CACFD1: variants seen among roughly 807,000 people sequenced by gnomAD.
CACFD1 encodes calcium channel flower homolog.
In CACFD1, 26 loss-of-function variants were observed where a neutral mutation model predicts 21.3. That is an observed-to-expected ratio of 1.22 (90% confidence interval 0.89 to 1.69). The LOEUF (loss-of-function observed/expected upper bound fraction) is 1.69. CACFD1 is among the 40% of genes most tolerant of loss of function. The pLI, the probability that CACFD1 is intolerant of heterozygous loss-of-function variation, is 0.00. For synonymous variants in CACFD1, 121 were observed against 106.6 expected (o/e 1.13, Z -0.83); for missense variants, 265 against 236.2 (o/e 1.12, Z -0.80).
chr9:133,463,314 G>T (rs143752271), intron 1 of CACFD1, 169 bp from the exon 2 acceptor site: 1 of 841,760 alleles, frequency 1.2e-6, no homozygotes, highest in Non-Finnish European at 1.4e-6. Flanking sequence ...ACCTCTCTGC[G>T]TCTCCTCACC....
chr9:133,465,244 A>ATGGCAC lies in CACFD1; in HGVS notation c.195-68_195-63dup. The ATGGCAC allele has an allele frequency of 1.3e-6, 2 of 1,542,076 alleles. No homozygotes were observed. Among genetic ancestry groups the ATGGCAC allele is most frequent in the Non-Finnish European group, 1.8e-6 (2 of 1,120,732 alleles). On this transcript the variant is annotated intron_variant, in intron 2 of 4. Coordinates refer to ENST00000316948, the MANE Select transcript of CACFD1 (RefSeq NM_017586.5). The surrounding 1 kb of genome is among the most constrained non-coding windows in gnomAD (Gnocchi z 5.0). ...GAGGGTGAGGGAGGTGGCATTCCTTATGGCACTGGCACTGGGGGCCGCCCT... is the reference window on the plus strand; with the variant it reads ...GAGGGTGAGGGAGGTGGCATTCCTTATGGCACTGGCACTGGCACTGGGGGCCGCCCT...
In CACFD1 at chr9:133,460,186, C is replaced by T. The variant is rs1399825658; in HGVS notation, c.120C>T (p.Val40=). ...LCRLSGVLGA[V]SCAISGLFNC... is the part of the protein sequence containing the mutation. The stretch of plus-strand genomic sequence containing the variant: ...GCCTGTCTGGGGTGCTGGGGGCAGT[C>T]TGTGAGTATCCAGTCGGGGAGAGGG... Residue 40 remains valine, a splice_region_variant and synonymous_variant, in exon 1 of 5, where the codon GTC becomes GTT. Transcript: ENST00000316948. 3.9e-6 allele frequency: 6 copies of T among 1,545,598 alleles called. No individual in the cohort carries two copies. The African/African-American group carries it at 5.6e-5, about 14-fold the overall frequency.
chr9:133,468,349 T>C (rs1554800003), intron 4 of CACFD1: 9 of 1,535,586 alleles, frequency 5.9e-6, no homozygotes, highest in Non-Finnish European at 1.7e-6. Flanking sequence ...GAGCCCAGAC[T>C]GAGGCTGGTT....
chr9:133,466,576 AAC>A (rs1554799593), intron 3 of CACFD1, among the ~76,000 whole-genome samples: 1 of 133,616 alleles, frequency 7.5e-6, no homozygotes, highest in Non-Finnish European at 1.7e-5. Context: ...AGGTGTGATA[AAC>A]ATGTGTCTGC....
Position 133,465,721 on chromosome 9 carries a change from A to T in CACFD1, c.320+274A>T. Reference sequence around the variant, plus strand: ...TGGCAGCATCCGTGCAGTGGAGAGAAAGTGGGAAGCGTCTGGAATTTTGGT... The same window carrying T: ...TGGCAGCATCCGTGCAGTGGAGAGATAGTGGGAAGCGTCTGGAATTTTGGT... On this transcript the variant is annotated intron_variant, in intron 3 of 4. Transcript: ENST00000316948. The surrounding 1 kb of genome is among the most constrained non-coding windows in gnomAD (Gnocchi z 5.0). 1 of 385,218 alleles carries T rather than the reference A, an allele frequency of 2.6e-6. No individual in the cohort carries two copies. The highest frequency in any genetic ancestry group is 4.7e-6 in the Non-Finnish European group (1 of 213,648). 23.9% of individuals were successfully genotyped at this position (385,218 alleles called of 1,614,324 possible). A position where few individuals can be genotyped will look rare whatever the true frequency, so the allele number is the denominator to read the frequency against.
At chr9:133,462,178 G>A (rs925873861) in intron 1 of CACFD1, 1 of 1,304,244 alleles carries the variant, frequency 7.7e-7, no homozygotes, top group African/African-American at 1.5e-5. Context: ...GGAGCTGGAG[G>A]CCAAATGCTG....
In CACFD1 at chr9:133,465,038, G is replaced by A. The variant is rs1843377947; in HGVS notation, c.195-284G>A. On this transcript the variant is annotated intron_variant, in intron 2 of 4. Coordinates refer to ENST00000316948, the MANE Select transcript of CACFD1 (RefSeq NM_017586.5). This position sits in a 1 kb window ranked among gnomAD's most constrained non-coding sequence, Gnocchi z 5.0. ...CCCTTTCCTCCATGTCACACAGGAG[G>A]AGGATAAAGGGAAGCAGAAGCCCAG... 2.5e-6 allele frequency: 1 copy of A among 397,732 alleles called. No homozygotes were observed. Among genetic ancestry groups the A allele is most frequent in the Admixed American group, 4.2e-5 (1 of 23,702 alleles). 24.6% of individuals were successfully genotyped at this position (397,732 alleles called of 1,614,324 possible).
In CACFD1 at chr9:133,467,903, C is replaced by A; in HGVS notation, c.321-18C>A. On this transcript the variant is annotated intron_variant, in intron 3 of 4. Coordinates refer to ENST00000316948, the MANE Select transcript of CACFD1 (RefSeq NM_017586.5). The stretch of plus-strand genomic sequence containing the variant: ...CTGTGGGGCCGGAGTGCCCCCTTGA[C>A]CTCTGCTTTCCCCCCAGGATGGCGG... The A allele has an allele frequency of 6.3e-7, 1 of 1,594,956 alleles. No homozygotes were observed. The highest frequency in any genetic ancestry group is 8.6e-7 in the Non-Finnish European group (1 of 1,164,648).
intron 4 of CACFD1, chr9:133,468,318 G>C (rs1018728020): frequency 1.3e-6 from 2 of 1,533,172 alleles, no homozygotes; most frequent in Non-Finnish European, 1.7e-6. Flanking sequence ...ATTGTACTCA[G>C]TTGCCACCCT....
chr9:133,465,731 C>CATCCGTGCAGACTTCGGAAA lies in CACFD1; in HGVS notation c.320+284_320+285insATCCGTGCAGACTTCGGAAA. On this transcript the variant is annotated intron_variant, in intron 3 of 4. Coordinates refer to ENST00000316948, the MANE Select transcript of CACFD1 (RefSeq NM_017586.5). The surrounding 1 kb of genome is among the most constrained non-coding windows in gnomAD (Gnocchi z 5.0). Reference sequence around the variant, plus strand: ...CGTGCAGTGGAGAGAAAGTGGGAAGCGTCTGGAATTTTGGTCCGTCCACTG... The same window carrying CATCCGTGCAGACTTCGGAAA: ...CGTGCAGTGGAGAGAAAGTGGGAAGCATCCGTGCAGACTTCGGAAAGTCTGGAATTTTGGTCCGTCCACTG... The CATCCGTGCAGACTTCGGAAA allele has an allele frequency of 2.8e-6, 1 of 354,922 alleles. No homozygotes were observed. The highest frequency in any genetic ancestry group is 4.0e-5 in the South Asian group (1 of 24,864). 22.0% of individuals were successfully genotyped at this position (354,922 alleles called of 1,614,324 possible).
chr9:133,460,193 T>A lies in CACFD1; in HGVS notation c.121+6T>A, dbSNP rs1164646713. On this transcript the variant is annotated splice_donor_region_variant and intron_variant, in intron 1 of 4. Transcript: ENST00000316948. Reference sequence around the variant, plus strand: ...TGGGGTGCTGGGGGCAGTCTGTGAGTATCCAGTCGGGGAGAGGGGCCGGCC... The same window carrying A: ...TGGGGTGCTGGGGGCAGTCTGTGAGAATCCAGTCGGGGAGAGGGGCCGGCC... The A allele has an allele frequency of 3.3e-6, 5 of 1,534,464 alleles. No homozygotes were observed. Among genetic ancestry groups the A allele is most frequent in the Non-Finnish European group, 4.4e-6 (5 of 1,141,386 alleles).
chr9:133,461,099 A>G (rs1465971501), intron 1 of CACFD1, among the ~76,000 whole-genome samples: 3 of 152,156 alleles, frequency 2.0e-5, no homozygotes, highest in Non-Finnish European at 4.4e-5. Flanking sequence ...AAGGTCTTAG[A>G]GAATGTCTGT....
chr9:133,462,166 T>G (rs1247000937), intron 1 of CACFD1: 3 of 1,304,026 alleles, frequency 2.3e-6, no homozygotes, highest in East Asian at 1.1e-4. Context: ...TGGGGTAGGG[T>G]TGGAGCTGGA....
At chr9:133,463,877 C>T (rs1554799013) in intron 2 of CACFD1, among the ~76,000 whole-genome samples, 2 of 152,274 alleles carry the variant, frequency 1.3e-5, no homozygotes, top group African/African-American at 4.8e-5. Flanking sequence ...ACTGCAGATG[C>T]CAAGTCCACT....
chr9:133,462,142 G>C (rs1554798662), intron 1 of CACFD1: 2 of 1,304,098 alleles, frequency 1.5e-6, no homozygotes, highest in Non-Finnish European at 2.0e-6. Context: ...AAGGCTGGCT[G>C]TGGGTTGGAC....
chr9:133,463,391 C>T, intron 1 of CACFD1, 92 bp from the exon 2 acceptor site: 1 of 1,601,570 alleles, frequency 6.2e-7, no homozygotes, highest in Non-Finnish European at 8.5e-7. Context: ...TCCGCAGAGA[C>T]TCTCGTCCTT....
intron 3 of CACFD1, among the ~76,000 whole-genome samples, chr9:133,467,187 G>A (rs1217974621): frequency 2.6e-5 from 4 of 152,194 alleles, no homozygotes; most frequent in Non-Finnish European, 1.5e-5. Flanking sequence ...AGGACAGAGC[G>A]CTGGCCTCCA....
intron 4 of CACFD1, 118 bp from the exon 5 acceptor site, chr9:133,468,445 G>A (rs1554800041): frequency 6.5e-7 from 1 of 1,536,574 alleles, no homozygotes; most frequent in Non-Finnish European, 8.7e-7. Flanking sequence ...TTGTCTCTGG[G>A]GAAATCAGAA....
chr9:133,466,996 C>G (rs886998825), intron 3 of CACFD1, among the ~76,000 whole-genome samples: 2 of 152,188 alleles, frequency 1.3e-5, no homozygotes, highest in African/African-American at 4.8e-5. Context: ...TTGTTTTTGT[C>G]AGAAGGTTCC....
Sources: gnomAD v4.1 joint callset for allele counts (sites outside exome capture counted in the v4.1 genomes callset) on GRCh38, gnomAD v4.1.1 for gene constraint, Gnocchi (gnomAD v3.1) non-coding constraint, MANE v1.5 for transcripts, NCBI Gene and HGNC (gene_info 2026-07-23, HGNC 2026-07-21) for gene names.